The following RBFOX1 variants were observed in gnomAD, a reference collection of about 807,000 sequenced individuals.
The protein encoded by RBFOX1 is RNA binding protein fox-1 homolog 1.
Under a neutral mutation model 57.7 loss-of-function variants are expected in RBFOX1, and 8 were observed. That is an observed-to-expected ratio of 0.14 (90% confidence interval 0.08 to 0.25). The LOEUF (loss-of-function observed/expected upper bound fraction) is 0.25. Ranked by LOEUF, RBFOX1 falls within the 10% of genes least tolerant of loss-of-function variation. RBFOX1 has a pLI of 1.00. For missense variants in RBFOX1, 611 were observed against 548.5 expected (o/e 1.11, Z -1.14); for synonymous variants, 326 against 222.4 (o/e 1.47, Z -4.15).
At chr16:5,766,695 C>T (rs1462686351) in intron 3 of RBFOX1, among the ~76,000 whole-genome samples, 1 of 152,124 alleles carries the variant, frequency 6.6e-6, no homozygotes. Context: ...CAAACATCTA[C>T]CACCTGGCCC....
intron 3 of RBFOX1, among the ~76,000 whole-genome samples, chr16:5,646,440 C>G (rs955292414): frequency 2.0e-5 from 3 of 152,104 alleles, no homozygotes; most frequent in Admixed American, 2.0e-4. Flanking sequence ...TGCACAACCT[C>G]TGGTTCCCAG....
chr16:7,112,662 C>T (rs1477704707), intron 4 of RBFOX1, among the ~76,000 whole-genome samples: 1 of 33,780 alleles, frequency 3.0e-5, no homozygotes. Flanking sequence ...AATATGTAAA[C>T]TCTGTGTGTG....
intron 11 of RBFOX1, among the ~76,000 whole-genome samples, chr16:7,647,890 C>T (rs757045105): frequency 2.6e-5 from 4 of 152,168 alleles, no homozygotes; most frequent in African/African-American, 7.2e-5. Flanking sequence ...AATATAAGTG[C>T]CATACCTCAA....
intron 4 of RBFOX1, among the ~76,000 whole-genome samples, chr16:5,877,560 G>C (rs547718831): frequency 2.6e-5 from 4 of 152,188 alleles, no homozygotes; most frequent in Non-Finnish European, 5.9e-5. Flanking sequence ...AGCCGAAGAG[G>C]GTTCTTGGCT....
chr16:6,671,340 T>C (rs555324419), intron 3 of RBFOX1, among the ~76,000 whole-genome samples: 46 of 152,324 alleles, frequency 3.0e-4, no homozygotes, highest in African/African-American at 1.1e-3. Context: ...GAATAGTAAT[T>C]GATATAATGT....
At chr16:6,507,137 C>T (rs2096121180) in intron 2 of RBFOX1, among the ~76,000 whole-genome samples, 2 of 152,134 alleles carry the variant, frequency 1.3e-5, no homozygotes, top group African/African-American at 2.4e-5. Flanking sequence ...CCTTCTGAGC[C>T]AGCATCGTTC....
intron 4 of RBFOX1, among the ~76,000 whole-genome samples, chr16:7,149,084 C>T (rs112079536): frequency 4.5e-4 from 69 of 152,294 alleles, no homozygotes; most frequent in African/African-American, 1.6e-3. Context: ...TTTCCTTTCT[C>T]ACAGTGGGAG....
chr16:6,655,891 T>G (rs1294144669), intron 3 of RBFOX1, among the ~76,000 whole-genome samples: 2 of 152,182 alleles, frequency 1.3e-5, no homozygotes, highest in East Asian at 1.9e-4. Flanking sequence ...GGAGGACTTC[T>G]CAAAACAAAA....
At chr16:6,640,501 G>C (rs1048052497) in intron 2 of RBFOX1, among the ~76,000 whole-genome samples, 3 of 152,054 alleles carry the variant, frequency 2.0e-5, no homozygotes, top group Non-Finnish European at 4.4e-5. Flanking sequence ...CCAGGTACTT[G>C]GGAGGCTGAG....
intron 3 of RBFOX1, among the ~76,000 whole-genome samples, chr16:5,721,420 A>G (rs1187437254): frequency 6.6e-6 from 1 of 152,050 alleles, no homozygotes; most frequent in Non-Finnish European, 1.5e-5. Flanking sequence ...AAGTAAAGAT[A>G]TTTCTACTTC....
chr16:6,529,571 T>A (rs57377258), intron 2 of RBFOX1, among the ~76,000 whole-genome samples: 4,724 of 93,646 alleles, frequency 0.05, 215 homozygotes, highest in African/African-American at 0.15. Context: ...TAATAATAAT[T>A]ATTATTAATA....
At chr16:6,653,904 T>G (rs2098623369) in intron 2 of RBFOX1, among the ~76,000 whole-genome samples, 2 of 147,026 alleles carry the variant, frequency 1.4e-5, no homozygotes, top group South Asian at 4.4e-4. Flanking sequence ...AAAGATGAAT[T>G]TGGGTGGATG....
chr16:6,754,435 C>G (rs906957492), intron 3 of RBFOX1, among the ~76,000 whole-genome samples: 2 of 152,190 alleles, frequency 1.3e-5, no homozygotes, highest in African/African-American at 4.8e-5. Context: ...GTCGAAGATT[C>G]AGTGAATGAA....
At chr16:7,693,237 T>G in intron 14 of RBFOX1, 1 of 1,229,790 alleles carries the variant, frequency 8.1e-7, no homozygotes, top group South Asian at 1.2e-5. Flanking sequence ...TCCCCTCATC[T>G]GTACACATCG....
chr16:6,139,201 G>C (rs1212029037), intron 1 of RBFOX1, among the ~76,000 whole-genome samples: 1 of 152,098 alleles, frequency 6.6e-6, no homozygotes, highest in African/African-American at 2.4e-5. Context: ...TGAATCCAAG[G>C]ACATCCCCTC....
rs531216719 is a variant in RBFOX1 at position 5,261,694 on chromosome 16, C to T, written c.219+21589C>T. Among the ~76,000 whole-genome samples the T allele has an allele frequency of 5.3e-5, 8 of 152,016 alleles. No homozygotes were observed. The East Asian group carries it at 5.8e-4, about 11-fold the overall frequency. On this transcript the variant is annotated intron_variant, in intron 1 of 2. Transcript: ENST00000585867. ...CCTCCTGAGTAGCTGGGACTACAGG[C>T]GCCTGCCACCATGCCTGGCTAATTT...
intron 13 of RBFOX1, among the ~76,000 whole-genome samples, chr16:7,667,677 C>CTT (rs75449289): frequency 0.52 from 78,744 of 151,654 alleles, 20,772 homozygotes; most frequent in East Asian, 0.81. Context: ...ATTTAAACCT[C>CTT]TTTTTGTTAT....
At chr16:7,521,395 C>T (rs1323078511) in intron 5 of RBFOX1, among the ~76,000 whole-genome samples, 1 of 152,038 alleles carries the variant, frequency 6.6e-6, no homozygotes, top group Non-Finnish European at 1.5e-5. Context: ...AGAGTTTAAG[C>T]CAGAAGAGTT....
intron 1 of RBFOX1, among the ~76,000 whole-genome samples, chr16:6,142,414 G>C (rs1220573142): frequency 6.6e-6 from 1 of 151,666 alleles, no homozygotes; most frequent in Non-Finnish European, 1.5e-5. Flanking sequence ...GTAGAGATGG[G>C]GTTTCACCAT....
Sources: gnomAD v4.1 joint callset for allele counts (sites outside exome capture counted in the v4.1 genomes callset) on GRCh38, gnomAD v4.1.1 for gene constraint, MANE v1.5 for transcripts, NCBI Gene and HGNC (gene_info 2026-07-23, HGNC 2026-07-21) for gene names.